Variants in SLC12A1 observed in about 807,000 individuals in gnomAD.
SLC12A1 encodes the protein Na-K-2Cl cotransporter.
In SLC12A1, 89 loss-of-function variants were observed where a neutral mutation model predicts 130.4. That is an observed-to-expected ratio of 0.68 (90% CI 0.58 to 0.81). SLC12A1 has a LOEUF of 0.81. Among genes scored for constraint, SLC12A1 ranks in the 40% least tolerant of loss-of-function variants. SLC12A1 has a pLI of 0.00. For missense variants in SLC12A1, 1,310 were observed against 1,336.4 expected, an observed-to-expected ratio of 0.98 and a Z score of 0.31; for synonymous variants, 499 against 460.0, an observed-to-expected ratio of 1.08 and a Z score of -1.09.
chr15:48,258,902 C>T (rs1177894173), intron 16 of SLC12A1, among the ~76,000 whole-genome samples: 1 of 152,104 alleles, frequency 6.6e-6, no homozygotes, highest in African/African-American at 2.4e-5. Context: ...CAATACGTGG[C>T]AATTATGGAA....
At chr15:48,209,524 C>G (rs1400140628) in intron 2 of SLC12A1, among the ~76,000 whole-genome samples, 2 of 152,162 alleles carry the variant, frequency 1.3e-5, no homozygotes, top group African/African-American at 4.8e-5. Flanking sequence ...GTCACATATT[C>G]AAATGAGTTT....
At chr15:48,280,279 G>T (rs2041997792) in intron 20 of SLC12A1, among the ~76,000 whole-genome samples, 1 of 151,688 alleles carries the variant, frequency 6.6e-6, no homozygotes, top group South Asian at 2.1e-4. Context: ...GATTTATAAA[G>T]CACTTGAAAA....
chr15:48,272,580 C>T lies in SLC12A1; in HGVS notation c.2403-1991C>T, dbSNP rs1416317610. 5.3e-5 allele frequency among the ~76,000 whole-genome samples: 8 copies of T among 152,218 alleles called. No homozygotes were observed. The East Asian group carries it at 1.6e-3, about 30-fold the overall frequency. ...TAACCAGGACTACAGGTGCACACCA[C>T]CATGCCCAGCTAATTTTTATATTTT... On this transcript the variant is annotated intron_variant, in intron 19 of 26. Transcript: ENST00000380993.
At chr15:48,248,353 A>G (rs1307831574) in intron 13 of SLC12A1, among the ~76,000 whole-genome samples, 1 of 152,260 alleles carries the variant, frequency 6.6e-6, no homozygotes, top group Non-Finnish European at 1.5e-5. Flanking sequence ...CTGATTTCAT[A>G]TAGAGATGTT....
intron 24 of SLC12A1, among the ~76,000 whole-genome samples, chr15:48,294,794 A>G (rs2042158058): frequency 6.6e-6 from 1 of 151,988 alleles, no homozygotes; most frequent in Non-Finnish European, 1.5e-5. Flanking sequence ...AGATAGGGCC[A>G]TTTTCTGTTG....
At chr15:48,289,995 A>T (rs2042102798) in intron 23 of SLC12A1, among the ~76,000 whole-genome samples, 1 of 152,218 alleles carries the variant, frequency 6.6e-6, no homozygotes. Context: ...GCTTACCGTA[A>T]ACATTTTTAC....
At chr15:48,250,544 A>C (rs1331447762) in intron 14 of SLC12A1, among the ~76,000 whole-genome samples, 5 of 152,162 alleles carry the variant, frequency 3.3e-5, no homozygotes, top group Admixed American at 3.3e-4. Context: ...CTTTTGAAAA[A>C]TAAGGTGAAA....
chr15:48,228,427 T>C (rs1462830131), intron 5 of SLC12A1: 1 of 157,458 alleles, frequency 6.4e-6, no homozygotes, highest in Non-Finnish European at 1.4e-5. Flanking sequence ...TATATGGGTA[T>C]TTAGGAATAA....
chr15:48,252,290 A>G (rs1371024338), intron 15 of SLC12A1, among the ~76,000 whole-genome samples: 2 of 152,212 alleles, frequency 1.3e-5, no homozygotes, highest in African/African-American at 4.8e-5. Context: ...TCATCACAAT[A>G]CTATTAGTCC....
At chr15:48,281,088 C>T (rs1460753485) in intron 20 of SLC12A1, among the ~76,000 whole-genome samples, 1 of 152,076 alleles carries the variant, frequency 6.6e-6, no homozygotes, top group Admixed American at 6.5e-5. Context: ...CCAAGCATAG[C>T]GTTTGGAATA....
intron 9 of SLC12A1, among the ~76,000 whole-genome samples, chr15:48,236,674 G>A (rs886730863): frequency 2.6e-5 from 4 of 152,284 alleles, no homozygotes; most frequent in African/African-American, 9.6e-5. Flanking sequence ...GGGCCACAGT[G>A]CTATGGTAAA....
At position 48,220,624 on chromosome 15, in the gene SLC12A1, T is replaced by C; in HGVS notation, c.421-10T>C. 2 of 1,611,720 alleles carry C rather than the reference T, an allele frequency of 1.2e-6. No homozygotes were observed. The highest frequency in any genetic ancestry group is 1.7e-6 in the Non-Finnish European group (2 of 1,178,674). On this transcript the variant is annotated splice_polypyrimidine_tract_variant and intron_variant, in intron 2 of 26. Transcript: ENST00000380993. ...CCAACTACTGTGTTTTTGCTATCTA[T>C]AAAATGCAGAATGTGGCAGTCACCC...
intron 4 of SLC12A1, 22 bp downstream of exon 4, chr15:48,221,018 A>T: frequency 6.2e-7 from 1 of 1,606,546 alleles, no homozygotes; most frequent in Non-Finnish European, 8.5e-7. Context: ...TCCCCTCCTA[A>T]ATAATTTTGC....
chr15:48,300,900 CT>C (rs1321782756), intron 25 of SLC12A1, among the ~76,000 whole-genome samples: 2 of 152,126 alleles, frequency 1.3e-5, no homozygotes, highest in African/African-American at 4.8e-5. Context: ...CAATCGGTTT[CT>C]TTTTTAACAG....
At position 48,288,435 on chromosome 15, in the gene SLC12A1, C is replaced by A; in HGVS notation, c.2792C>A (p.Thr931Asn). 1 of 1,543,832 alleles carries A rather than the reference C, an allele frequency of 6.5e-7. No individual in the cohort carries two copies. Among genetic ancestry groups the A allele is most frequent in the Non-Finnish European group, 8.8e-7 (1 of 1,137,370 alleles). ...ACACTTCTTATCCCCTATATCTTAA[C>A]TCTCAGAAAAAAATGGAAAGACTGT... ...GLTLLIPYIL[T>N]LRKKWKDCKL... The change falls in exon 23 of 27, where the codon ACT (threonine) becomes AAT (asparagine). Residue 931 changes from threonine to asparagine, a missense_variant. Physicochemically the swap from Thr to Asn is moderately conservative, Grantham distance 65. Transcript: ENST00000380993.
At chr15:48,287,885 T>C (rs968569265) in intron 21 of SLC12A1, among the ~76,000 whole-genome samples, 158 bp from the exon 22 acceptor site, 10 of 152,210 alleles carry the variant, frequency 6.6e-5, no homozygotes, top group Non-Finnish European at 1.5e-5. Flanking sequence ...GGGATTGGAC[T>C]TTTATCTCTG....
rs367968653 is a variant in SLC12A1, at chr15:48,269,787, T to C, written c.2402+23T>C. 90 of 1,328,682 alleles carry C rather than the reference T, an allele frequency of 6.8e-5. No homozygotes were observed. The African/African-American group carries it at 1.2e-3, about 17-fold the overall frequency. The allele number at this position is 1,328,682 out of a possible 1,614,324, so 82.3% of individuals were successfully genotyped here. On this transcript the variant is annotated intron_variant, in intron 19 of 26. Coordinates refer to ENST00000380993, the MANE Select transcript of SLC12A1 (RefSeq NM_000338.3). ...ACAGTAAGTGATGGCTTTCAAGACG[T>C]GTTCTTGTTTATAAAGCACTAAGCA...
intron 2 of SLC12A1, among the ~76,000 whole-genome samples, chr15:48,217,485 G>T (rs2041138094): frequency 6.6e-6 from 1 of 152,054 alleles, no homozygotes; most frequent in African/African-American, 2.4e-5. Context: ...TAAGGACTGA[G>T]GATATCTAAG....
rs749924651 is a variant in SLC12A1 at position 48,269,785 on chromosome 15, C to T, written c.2402+21C>T. The T allele has an allele frequency of 1.3e-5, 18 of 1,349,588 alleles. No homozygotes were observed. In the African/African-American group the frequency reaches 1.4e-4, roughly 11 times the overall value. 83.6% of individuals were successfully genotyped at this position (1,349,588 alleles called of 1,614,324 possible). A position where few individuals can be genotyped will look rare whatever the true frequency, so the allele number is the denominator to read the frequency against. ...ATACAGTAAGTGATGGCTTTCAAGA[C>T]GTGTTCTTGTTTATAAAGCACTAAG... On this transcript the variant is annotated intron_variant, in intron 19 of 26. Transcript: ENST00000380993.
Sources: allele counts gnomAD v4.1 joint callset (sites outside exome capture counted in the v4.1 genomes callset), GRCh38; gene constraint gnomAD v4.1.1; transcripts MANE v1.5; gene names NCBI Gene and HGNC (gene_info 2026-07-23, HGNC 2026-07-21).